PDE1C: variants seen among roughly 807,000 people sequenced by gnomAD.
PDE1C encodes phosphodiesterase 1C, also known as dual specificity calcium/calmodulin-dependent 3',5'-cyclic nucleotide phosphodiesterase 1C.
A neutral mutation model predicts 93.1 loss-of-function variants in PDE1C; 62 were observed. The observed-to-expected ratio is 0.67, with a 90% CI of 0.54 to 0.82. The LOEUF is 0.82. PDE1C is among the 40% of genes least tolerant of loss of function. The probability of loss-of-function intolerance (pLI) is 0.00; values close to 1 mark genes in which losing one functional copy is unlikely to be tolerated. For synonymous variants in PDE1C, 325 were observed against 310.1 expected (o/e 1.05, Z -0.50); for missense variants, 742 against 884.6 (o/e 0.84, Z 2.04).
chr7:31,793,691 A>G (rs182614146), intron 16 of PDE1C, among the ~76,000 whole-genome samples: 1 of 138,886 alleles, frequency 7.2e-6, no homozygotes, highest in African/African-American at 2.5e-5. Flanking sequence ...TTTTTTTTTT[A>G]AATAAGAAGA....
intron 2 of PDE1C, among the ~76,000 whole-genome samples, chr7:32,023,578 G>A (rs533121132): frequency 4.0e-5 from 6 of 151,842 alleles, no homozygotes; most frequent in East Asian, 3.9e-4. Context: ...CATCCGTACC[G>A]TGGATGACTA....
Position 31,880,762 on chromosome 7 carries a change from T to C in PDE1C, c.227A>G (p.Tyr76Cys). The C allele has an allele frequency of 6.3e-7, 1 of 1,589,724 alleles. No individual in the cohort carries two copies. Among genetic ancestry groups the C allele is most frequent in the East Asian group, 2.2e-5 (1 of 44,642 alleles). ...EYAATVLESVYIDETRRLLDT... is the reference protein window; with the variant it reads ...EYAATVLESVCIDETRRLLDT... ...TTTAGCTTACCTTGTTTCATCAATA[T>C]ACACAGATTCAAGCACTGTGGCTGC... Residue 76 changes from tyrosine to cysteine, a missense_variant, in exon 3 of 18, where the codon TAT (tyrosine) becomes TGT (cysteine). Physicochemically the swap from Tyr to Cys is radical, Grantham distance 194 (BLOSUM62 -2). Around this residue, in one of 4 missense-constraint regions of PDE1C, gnomAD observed 74 missense variants for 88.2 expected, o/e 0.84. Transcript: ENST00000396191.
chr7:31,997,393 A>G (rs143054823), intron 2 of PDE1C, among the ~76,000 whole-genome samples: 1 of 152,316 alleles, frequency 6.6e-6, no homozygotes, highest in Non-Finnish European at 1.5e-5. Context: ...CCCCACTCAC[A>G]ATGGTTGGAT....
chr7:31,639,941 T>A, the PDE1C span, among the ~76,000 whole-genome samples: 1 of 152,210 alleles, frequency 6.6e-6, no homozygotes, highest in African/African-American at 2.4e-5. Flanking sequence ...TCATAATGGA[T>A]CATATGTTCC....
intron 2 of PDE1C, among the ~76,000 whole-genome samples, chr7:31,980,828 C>G (rs1812280252): frequency 6.6e-6 from 1 of 152,186 alleles, no homozygotes; most frequent in African/African-American, 2.4e-5. Context: ...GTGGCCCCTT[C>G]TTCCATTCTA....
chr7:32,120,762 G>A (rs543032214), intron 3 of PDE1C, among the ~76,000 whole-genome samples: 2 of 152,240 alleles, frequency 1.3e-5, no homozygotes, highest in East Asian at 3.9e-4. Context: ...AACTCATGAA[G>A]ATGAGAAAGA....
intron 2 of PDE1C, among the ~76,000 whole-genome samples, chr7:31,987,253 G>T (rs553759010): frequency 1.3e-5 from 2 of 152,124 alleles, no homozygotes; most frequent in Admixed American, 1.3e-4. Context: ...ACCAGCTCTC[G>T]ACAAACAAAC....
chr7:31,731,954 C>A, the PDE1C span, among the ~76,000 whole-genome samples: 3 of 152,228 alleles, frequency 2.0e-5, no homozygotes, highest in Non-Finnish European at 4.4e-5. Context: ...TGTTACACAG[C>A]AGGACTCGCC....
the PDE1C span, among the ~76,000 whole-genome samples, chr7:31,629,872 G>A: frequency 2.6e-5 from 4 of 152,254 alleles, no homozygotes; most frequent in African/African-American, 4.8e-5. Context: ...GTACACCAGC[G>A]TACTGAATTA....
At chr7:32,262,222 T>C (rs1258039694) in intron 1 of PDE1C, among the ~76,000 whole-genome samples, 1 of 152,166 alleles carries the variant, frequency 6.6e-6, no homozygotes, top group African/African-American at 2.4e-5. Flanking sequence ...TCGTTCTCTG[T>C]GATTCCCACC....
At chr7:31,746,936 G>A (rs1404315126), downstream of PDE1C, among the ~76,000 whole-genome samples, 2 of 152,224 alleles carry the variant, frequency 1.3e-5, no homozygotes, top group Middle Eastern at 3.2e-3. Flanking sequence ...AGGTCCAAAT[G>A]TGTGGGTGGT....
intron 1 of PDE1C, among the ~76,000 whole-genome samples, chr7:32,305,012 G>A (rs1357942603): frequency 1.3e-5 from 2 of 152,298 alleles, no homozygotes; most frequent in East Asian, 3.9e-4. Flanking sequence ...CTGGGCCTAA[G>A]GCCCAAAAGT....
chr7:32,136,640 A>G (rs757474909), intron 3 of PDE1C, among the ~76,000 whole-genome samples: 3 of 152,184 alleles, frequency 2.0e-5, no homozygotes, highest in Admixed American at 6.5e-5. Flanking sequence ...CCAAAGGACT[A>G]TTTCTAATGC....
At chr7:31,623,399 A>G in the PDE1C span, among the ~76,000 whole-genome samples, 27 of 150,844 alleles carry the variant, frequency 1.8e-4, no homozygotes, top group South Asian at 8.6e-4. Context: ...CAAAAAGCTT[A>G]TCCACCATGA....
chr7:31,963,739 G>C (rs1202297523), intron 2 of PDE1C, among the ~76,000 whole-genome samples: 3 of 152,180 alleles, frequency 2.0e-5, no homozygotes, highest in African/African-American at 7.2e-5. Flanking sequence ...AATAAACACA[G>C]AGTGCAGTAA....
rs190067347 is a variant in PDE1C at position 32,205,642 on chromosome 7, G to T, written c.136+3847C>A. On this transcript the variant is annotated intron_variant, in intron 2 of 18. Coordinates refer to the PDE1C transcript ENST00000396193. ...CGTTTGGGTCTGCTTGTGCCCTGCAGAAGCTTTGTTCCTTCCCCCTTTGCA... is the reference window on the plus strand; with the variant it reads ...CGTTTGGGTCTGCTTGTGCCCTGCATAAGCTTTGTTCCTTCCCCCTTTGCA... Among the ~76,000 whole-genome samples the T allele has an allele frequency of 4.3e-3, 655 of 152,306 alleles. 6 individuals carry two copies. Among genetic ancestry groups the T allele is most frequent in the African/African-American group, 0.015 (624 of 41,570 alleles).
chr7:31,871,320 T>C (rs573094180), intron 6 of PDE1C, among the ~76,000 whole-genome samples: 1 of 152,178 alleles, frequency 6.6e-6, no homozygotes, highest in Non-Finnish European at 1.5e-5. Flanking sequence ...AAAGATTTTA[T>C]GGCTAACACC....
the PDE1C span, among the ~76,000 whole-genome samples, chr7:31,716,451 C>T: frequency 6.6e-6 from 1 of 152,184 alleles, no homozygotes. Context: ...ATATGGTTCA[C>T]ATTTCAGATA....
In PDE1C at chr7:32,387,385, C is replaced by T. The variant is rs1191695352; in HGVS notation, c.310+40437G>A. On this transcript the variant is annotated intron_variant, in intron 1 of 1. Transcript: ENST00000672256. ...ATCATGGCCCATCCCCAATGAGCCG[C>T]TGGGCACACCTCCCAGACGGGGTCC... 5.8e-4 allele frequency among the ~76,000 whole-genome samples: 88 copies of T among 151,776 alleles called. 1 individual carries two copies. In the Middle Eastern group the frequency reaches 0.01, roughly 18 times the overall value.
Sources: gnomAD v4.1 joint callset for allele counts (sites outside exome capture counted in the v4.1 genomes callset) on GRCh38, gnomAD v4.1.1 for gene constraint, gnomAD v4.1.1 regional missense constraint, MANE v1.5 for transcripts, NCBI Gene and HGNC (gene_info 2026-07-23, HGNC 2026-07-21) for gene names.